PATJ: variants seen among roughly 807,000 people sequenced by gnomAD.
PATJ encodes PATJ crumbs cell polarity complex component.
PATJ carries 190 observed loss-of-function variants against 224.9 expected under a neutral mutation model. The ratio of observed to expected loss-of-function variants is 0.84; its 90% CI spans 0.75 to 0.95. The LOEUF (loss-of-function observed/expected upper bound fraction) is 0.95. Ranked by LOEUF, PATJ falls within the 40% of genes least tolerant of loss-of-function variation. The probability of loss-of-function intolerance (pLI) is 0.00; values close to 1 mark genes in which losing one functional copy is unlikely to be tolerated. For missense variants in PATJ, 2,121 were observed against 2,270.3 expected (o/e 0.93, Z 1.34); for synonymous variants, 769 against 820.3 (o/e 0.94, Z 1.07).
intron 40 of PATJ, 122 bp downstream of exon 40, chr1:62,128,216 C>G (rs1665925236): frequency 9.7e-7 from 1 of 1,026,564 alleles, no homozygotes; most frequent in Non-Finnish European, 1.5e-6. Context: ...AGGCTGAGGG[C>G]AAGATGCATT....
At chr1:62,088,875 T>C (rs1380593005) in intron 33 of PATJ, among the ~76,000 whole-genome samples, 1 of 148,502 alleles carries the variant, frequency 6.7e-6, no homozygotes, top group East Asian at 1.9e-4. Flanking sequence ...AGAACATATA[T>C]ATATATATAT....
At chr1:61,783,445 T>C (rs1374112921) in intron 7 of PATJ, among the ~76,000 whole-genome samples, 2 of 140,158 alleles carry the variant, frequency 1.4e-5, no homozygotes, top group Non-Finnish European at 3.1e-5. Context: ...TTTTTTTAAA[T>C]AGAGACAGAG....
intron 43 of PATJ, among the ~76,000 whole-genome samples, chr1:62,158,847 G>A (rs1669556887): frequency 6.6e-6 from 1 of 151,994 alleles, no homozygotes; most frequent in South Asian, 2.1e-4. Flanking sequence ...TACTTGGGAG[G>A]CTGAGGCAGG....
intron 29 of PATJ, among the ~76,000 whole-genome samples, chr1:62,031,120 A>G (rs905717713): frequency 6.6e-6 from 1 of 152,230 alleles, no homozygotes; most frequent in African/African-American, 2.4e-5. Flanking sequence ...TTCTCATGTT[A>G]CATACCCGTC....
chr1:61,989,184 C>T (rs929439276), intron 27 of PATJ, among the ~76,000 whole-genome samples: 2 of 152,098 alleles, frequency 1.3e-5, no homozygotes, highest in Non-Finnish European at 2.9e-5. Flanking sequence ...TTGACCCTAA[C>T]ATAGAGGTAG....
chr1:61,966,941 C>T (rs551520047), intron 27 of PATJ, among the ~76,000 whole-genome samples: 1 of 152,058 alleles, frequency 6.6e-6, no homozygotes, highest in Non-Finnish European at 1.5e-5. Context: ...TTGGTTCTGG[C>T]GGGTTTTGGC....
intron 33 of PATJ, among the ~76,000 whole-genome samples, chr1:62,099,918 G>A (rs1337091547): frequency 6.6e-6 from 1 of 152,152 alleles, no homozygotes; most frequent in African/African-American, 2.4e-5. Context: ...GTGTTTATGA[G>A]TTACTTTATC....
At chr1:61,803,577 A>T (rs913443350) in intron 12 of PATJ, among the ~76,000 whole-genome samples, 5 of 152,228 alleles carry the variant, frequency 3.3e-5, no homozygotes, top group Non-Finnish European at 7.3e-5. Flanking sequence ...AAAAGCCAAT[A>T]ACAACACTGG....
intron 31 of PATJ, among the ~76,000 whole-genome samples, chr1:62,076,279 T>A (rs892790093): frequency 6.6e-6 from 1 of 152,170 alleles, no homozygotes; most frequent in Non-Finnish European, 1.5e-5. Context: ...CACCCCTAGA[T>A]GCTAATTTAT....
At chr1:61,744,775 A>G (rs1035378848) in intron 1 of PATJ, among the ~76,000 whole-genome samples, 5 of 152,182 alleles carry the variant, frequency 3.3e-5, no homozygotes, top group Non-Finnish European at 7.3e-5. Context: ...GTCAGATCCC[A>G]TAAGACTGCC....
chr1:62,023,583 TGTA>T (rs1647217730), intron 29 of PATJ, among the ~76,000 whole-genome samples: 1 of 152,170 alleles, frequency 6.6e-6, no homozygotes, highest in Admixed American at 6.5e-5. Flanking sequence ...ATGCATCTGA[TGTA>T]GTCTTTGGGG....
chr1:62,108,687 A>C (rs1023804295), intron 34 of PATJ, among the ~76,000 whole-genome samples, 167 bp downstream of exon 34: 2 of 152,222 alleles, frequency 1.3e-5, no homozygotes, highest in Non-Finnish European at 2.9e-5. Flanking sequence ...ACAGTGGTTT[A>C]GAATCATGAC....
At chr1:61,944,960 C>T (rs1271552122) in intron 27 of PATJ, among the ~76,000 whole-genome samples, 10 of 152,190 alleles carry the variant, frequency 6.6e-5, no homozygotes, top group Admixed American at 5.9e-4. Flanking sequence ...CCCAGAATTT[C>T]ATATCCAGCC....
chr1:62,093,029 C>G (rs1461253781), intron 33 of PATJ, among the ~76,000 whole-genome samples: 1 of 152,128 alleles, frequency 6.6e-6, no homozygotes, highest in Admixed American at 6.6e-5. Context: ...AAGCATGAGC[C>G]ACTGTGCCCA....
intron 27 of PATJ, among the ~76,000 whole-genome samples, chr1:61,970,012 A>G (rs949241216): frequency 6.6e-6 from 1 of 151,776 alleles, no homozygotes; most frequent in Non-Finnish European, 1.5e-5. Flanking sequence ...TGTACTTTGA[A>G]CAAATGTTTT....
chr1:61,871,543 A>G (rs918085872), intron 20 of PATJ, among the ~76,000 whole-genome samples: 2 of 23,222 alleles, frequency 8.6e-5, no homozygotes, highest in South Asian at 2.2e-3. Context: ...GTGTGTGTAT[A>G]TATATATATA....
intron 11 of PATJ, among the ~76,000 whole-genome samples, chr1:61,800,661 A>G (rs1005896571): frequency 4.6e-5 from 7 of 152,176 alleles, no homozygotes; most frequent in Non-Finnish European, 1.0e-4. Context: ...TACATGTGCC[A>G]TGTTGGTGTG....
intron 37 of PATJ, among the ~76,000 whole-genome samples, chr1:62,119,713 G>C (rs915548996): frequency 1.4e-4 from 22 of 152,294 alleles, no homozygotes; most frequent in Admixed American, 1.2e-3. Flanking sequence ...TTCGAGGCGG[G>C]CAGATCACTT....
intron 9 of PATJ, among the ~76,000 whole-genome samples, chr1:61,794,275 A>G (rs1207692767): frequency 6.6e-6 from 1 of 151,646 alleles, no homozygotes; most frequent in East Asian, 1.9e-4. Context: ...CCTCCAGAGT[A>G]GCTGGAATTA....
Sources: gnomAD v4.1 joint callset for allele counts (sites outside exome capture counted in the v4.1 genomes callset) on GRCh38, gnomAD v4.1.1 for gene constraint, MANE v1.5 for transcripts, NCBI Gene and HGNC (gene_info 2026-07-23, HGNC 2026-07-21) for gene names.